The following PLCB1 variants were observed in gnomAD, a reference collection of about 807,000 sequenced individuals.
PLCB1 encodes the protein 1-phosphatidylinositol 4,5-bisphosphate phosphodiesterase beta-1.
In PLCB1, 46 loss-of-function variants were observed where a neutral mutation model predicts 161.8. That is an observed-to-expected ratio of 0.28 (90% CI 0.22 to 0.36). The LOEUF is 0.36. Among genes scored for constraint, PLCB1 ranks in the 10% least tolerant of loss-of-function variants. PLCB1 has a pLI of 1.00. For missense variants in PLCB1, 1,016 were observed against 1,472.5 expected (o/e 0.69, Z 5.07); for synonymous variants, 517 against 503.7 (o/e 1.03, Z -0.35).
intron 9 of PLCB1, among the ~76,000 whole-genome samples, chr20:8,683,801 A>G (rs193236893): frequency 1.3e-5 from 2 of 152,232 alleles, no homozygotes; most frequent in Admixed American, 1.3e-4. Context: ...TTTTTTCATG[A>G]GCATTCAAAT....
chr20:8,821,203 G>A (rs553910760), intron 31 of PLCB1, among the ~76,000 whole-genome samples: 5 of 151,694 alleles, frequency 3.3e-5, no homozygotes, highest in East Asian at 1.9e-4. Context: ...ATTTAAGGCC[G>A]GGTGCGGTGG....
At chr20:8,818,997 CA>C (rs370712925) in intron 31 of PLCB1, among the ~76,000 whole-genome samples, 1 of 150,696 alleles carries the variant, frequency 6.6e-6, no homozygotes, top group African/African-American at 2.4e-5. Flanking sequence ...AATGCAGTAC[CA>C]AAAAAAGTCA....
At chr20:8,856,898 A>C (rs970664435) in intron 31 of PLCB1, among the ~76,000 whole-genome samples, 3 of 152,232 alleles carry the variant, frequency 2.0e-5, no homozygotes, top group African/African-American at 7.2e-5. Context: ...GGCCTAAAAC[A>C]ATAAGCATTT....
At chr20:8,340,666 C>T (rs142266305) in intron 2 of PLCB1, among the ~76,000 whole-genome samples, 5,354 of 152,146 alleles carry the variant, frequency 0.035, 170 homozygotes, top group African/African-American at 0.085. Flanking sequence ...CCTCGTGATC[C>T]GCCCGCCTCG....
chr20:8,882,219 T>C lies in PLCB1; in HGVS notation c.*370T>C, dbSNP rs576031472. ...AGCTCTGGTGTAAAATATTTCAAAG[T>C]CATAGAAATAGTTTGAGAAATGCAT... On this transcript the variant is annotated 3_prime_UTR_variant, in exon 32 of 32. Coordinates refer to ENST00000338037, the MANE Select transcript of PLCB1 (RefSeq NM_015192.4). The C allele has an allele frequency of 1.1e-4, 24 of 211,780 alleles. No homozygotes were observed. The East Asian group carries it at 1.9e-3, about 17-fold the overall frequency. 13.1% of individuals were successfully genotyped at this position (211,780 alleles called of 1,614,324 possible). A position where few individuals can be genotyped will look rare whatever the true frequency, so the allele number is the denominator to read the frequency against.
chr20:8,826,947 C>G (rs1015379684), intron 31 of PLCB1, among the ~76,000 whole-genome samples: 1 of 152,130 alleles, frequency 6.6e-6, no homozygotes, highest in East Asian at 1.9e-4. Flanking sequence ...TTAAGATGAC[C>G]TAGAGTTTAT....
chr20:8,864,342 T>C (rs1249880263), intron 31 of PLCB1, among the ~76,000 whole-genome samples: 1 of 152,188 alleles, frequency 6.6e-6, no homozygotes, highest in African/African-American at 2.4e-5. Context: ...TGCATATAAT[T>C]TTCCCATGTA....
chr20:8,548,230 C>T (rs1477787497), intron 3 of PLCB1, among the ~76,000 whole-genome samples: 2 of 117,064 alleles, frequency 1.7e-5, no homozygotes, highest in African/African-American at 6.3e-5. Flanking sequence ...TCCTTCCTTC[C>T]CTCCCTCCCC....
At chr20:8,798,189 T>C (rs1299924897) in intron 31 of PLCB1, among the ~76,000 whole-genome samples, 2 of 142,160 alleles carry the variant, frequency 1.4e-5, no homozygotes, top group Admixed American at 1.4e-4. Context: ...AGCGCAAGAC[T>C]CTATATCGAA....
At chr20:8,795,137 G>A (rs113934776) in intron 31 of PLCB1, among the ~76,000 whole-genome samples, 2,174 of 152,292 alleles carry the variant, frequency 0.014, 52 homozygotes, top group African/African-American at 0.05. Context: ...GGGACCAAAT[G>A]TGGCCAGTCA....
intron 3 of PLCB1, among the ~76,000 whole-genome samples, chr20:8,548,168 T>C (rs1269898933): frequency 6.6e-6 from 1 of 151,524 alleles, no homozygotes; most frequent in Non-Finnish European, 1.5e-5. Context: ...TTCTCTTTTT[T>C]TCCTTTCTCA....
intron 3 of PLCB1, among the ~76,000 whole-genome samples, chr20:8,593,664 T>TG (rs201942093): frequency 3.0e-4 from 46 of 152,086 alleles, no homozygotes; most frequent in African/African-American, 8.7e-4. Flanking sequence ...ATTTTTATTT[T>TG]TTTAATGGGG....
chr20:8,586,155 A>G (rs554156321), intron 3 of PLCB1, among the ~76,000 whole-genome samples: 31 of 152,322 alleles, frequency 2.0e-4, no homozygotes, highest in South Asian at 2.1e-4. Context: ...CGGAAAAGCA[A>G]TGTGACCTAC....
intron 3 of PLCB1, among the ~76,000 whole-genome samples, chr20:8,458,037 C>CA (rs753809967): frequency 2.6e-5 from 4 of 152,166 alleles, no homozygotes; most frequent in Non-Finnish European, 5.9e-5. Context: ...TAGAGTGAAA[C>CA]AAAGAGCAGG....
chr20:8,416,770 C>T (rs1436488243), intron 3 of PLCB1, among the ~76,000 whole-genome samples: 1 of 152,068 alleles, frequency 6.6e-6, no homozygotes, highest in East Asian at 1.9e-4. Context: ...GAAAATGAAG[C>T]AAACAGAGCT....
chr20:8,510,230 T>A (rs1983822647), intron 3 of PLCB1, among the ~76,000 whole-genome samples: 1 of 152,210 alleles, frequency 6.6e-6, no homozygotes, highest in African/African-American at 2.4e-5. Context: ...ACAAGGAGCT[T>A]GTTTATTCTA....
intron 10 of PLCB1, among the ~76,000 whole-genome samples, chr20:8,690,287 G>A (rs1990447146): frequency 6.6e-6 from 1 of 151,956 alleles, no homozygotes; most frequent in East Asian, 1.9e-4. Context: ...AGAACAGCAG[G>A]TGTTACAACA....
intron 10 of PLCB1, among the ~76,000 whole-genome samples, chr20:8,697,403 T>A (rs558246061): frequency 6.6e-6 from 1 of 152,334 alleles, no homozygotes; most frequent in East Asian, 1.9e-4. Flanking sequence ...CATGCATCGT[T>A]GTTATTGTTA....
intron 2 of PLCB1, among the ~76,000 whole-genome samples, chr20:8,170,360 G>C (rs889349156): frequency 6.6e-6 from 1 of 151,976 alleles, no homozygotes; most frequent in Admixed American, 6.6e-5. Context: ...TTTAAAAACA[G>C]AGGTAAAAAG....
Sources: gnomAD v4.1 joint callset for allele counts (sites outside exome capture counted in the v4.1 genomes callset) on GRCh38, gnomAD v4.1.1 for gene constraint, MANE v1.5 for transcripts, NCBI Gene and HGNC (gene_info 2026-07-23, HGNC 2026-07-21) for gene names.